SMARCA1: variants seen among roughly 807,000 people sequenced by gnomAD.
The protein encoded by SMARCA1 is SNF2 related chromatin remodeling ATPase 1.
In SMARCA1, 17 loss-of-function variants were observed where a neutral mutation model predicts 93.6. The ratio of observed to expected loss-of-function variants is 0.18; its 90% CI spans 0.12 to 0.27. The LOEUF is 0.27. SMARCA1 is among the 10% of genes least tolerant of loss of function. The probability of loss-of-function intolerance (pLI) is 1.00; values close to 1 mark genes in which losing one functional copy is unlikely to be tolerated. For synonymous variants in SMARCA1, 271 were observed against 271.4 expected (o/e 1.00, Z 0.01); for missense variants, 630 against 819.0 (o/e 0.77, Z 2.82).
In SMARCA1 at chrX:129,489,069, T is replaced by C; in HGVS notation, c.1965A>G (p.Gln655=). Reference sequence around the variant, plus strand: ...CCTCTTTTGCCAGCTTGTTAGACTGTTGGTCAATGAGTCTTCCTAATGATA... The same window carrying C: ...CCTCTTTTGCCAGCTTGTTAGACTGCTGGTCAATGAGTCTTCCTAATGATA... ...IVIQQGRLID[Q]QSNKLAKEEM... Residue 655 remains glutamine, a synonymous_variant, in exon 16 of 25, where the codon CAA becomes CAG. Coordinates refer to ENST00000371121, the MANE Select transcript of SMARCA1 (RefSeq NM_001282874.2). 1.7e-6 allele frequency: 2 copies of C among 1,181,423 alleles called. No individual in the cohort carries two copies. Among genetic ancestry groups the C allele is most frequent in the South Asian group, 1.8e-5 (1 of 55,413 alleles).
intron 19 of SMARCA1, among the ~76,000 whole-genome samples, chrX:129,478,919 T>C (rs950421997): frequency 9.0e-6 from 1 of 111,543 alleles, no homozygotes; most frequent in African/African-American, 3.3e-5. Flanking sequence ...GCGGAACGAA[T>C]AGAACATCTG....
intron 12 of SMARCA1, among the ~76,000 whole-genome samples, chrX:129,493,746 G>C (rs754481330): frequency 2.7e-5 from 3 of 112,096 alleles, no homozygotes. Context: ...GGAACTTTAA[G>C]TTGCCTAGCT....
intron 9 of SMARCA1, among the ~76,000 whole-genome samples, chrX:129,503,258 A>G (rs1218855151): frequency 8.9e-6 from 1 of 112,229 alleles, no homozygotes; most frequent in African/African-American, 3.2e-5. Context: ...TATGTTAGAG[A>G]ACATGGAATC....
At chrX:129,515,532 A>G (rs1935165564) in intron 5 of SMARCA1, among the ~76,000 whole-genome samples, 155 bp downstream of exon 5, 3 of 111,017 alleles carry the variant, frequency 2.7e-5, no homozygotes, top group African/African-American at 9.8e-5. Flanking sequence ...CTCTCAAAAA[A>G]ATAATAATAA....
At chrX:129,479,387 C>A (rs1333380016) in intron 19 of SMARCA1, among the ~76,000 whole-genome samples, 1 of 109,817 alleles carries the variant, frequency 9.1e-6, no homozygotes, top group Non-Finnish European at 1.9e-5. Flanking sequence ...TTACCTGTTT[C>A]TTCTGGTGTA....
chrX:129,458,641 CT>C (rs1226291082), intron 23 of SMARCA1, among the ~76,000 whole-genome samples: 1 of 111,927 alleles, frequency 8.9e-6, no homozygotes, highest in Non-Finnish European at 1.9e-5. Context: ...CTTGAAGTGA[CT>C]TATTGAAAGA....
At chrX:129,481,265 G>A (rs1717590019) in intron 17 of SMARCA1, 80 bp from the exon 18 acceptor site, 2 of 581,175 alleles carry the variant, frequency 3.4e-6, no homozygotes, top group Non-Finnish European at 2.8e-6. Context: ...CGAGGCTGCA[G>A]AAACATAAGG....
chrX:129,460,402 C>T (rs2049673729), intron 23 of SMARCA1, among the ~76,000 whole-genome samples: 1 of 110,466 alleles, frequency 9.1e-6, no homozygotes, highest in Non-Finnish European at 1.9e-5. Flanking sequence ...TATCCCAGCA[C>T]TTTGGGAGAC....
intron 23 of SMARCA1, among the ~76,000 whole-genome samples, chrX:129,448,781 T>C (rs1341363674): frequency 3.6e-5 from 4 of 111,074 alleles, no homozygotes; most frequent in African/African-American, 1.3e-4. Context: ...AAAGGTTACA[T>C]ACCATATTAT....
At chrX:129,496,685 T>C (rs1934342122) in intron 12 of SMARCA1, 65 bp downstream of exon 12, 3 of 1,055,589 alleles carry the variant, frequency 2.8e-6, no homozygotes, top group Non-Finnish European at 2.6e-6. Flanking sequence ...AACTACCTAA[T>C]GTTGATATAC....
At chrX:129,492,191 A>G (rs1453484413) in intron 13 of SMARCA1, 98 bp from the exon 14 acceptor site, 2 of 490,244 alleles carry the variant, frequency 4.1e-6, no homozygotes, top group South Asian at 3.9e-5. Context: ...TAAAATACAT[A>G]TAGAAAATCT....
intron 1 of SMARCA1, among the ~76,000 whole-genome samples, chrX:129,522,416 T>C (rs949017161): frequency 4.7e-5 from 5 of 106,812 alleles, no homozygotes; most frequent in Non-Finnish European, 9.6e-5. Flanking sequence ...TGAGGGACCA[T>C]TGGGGTGGCC....
At chrX:129,512,964 T>C (rs1935063312) in intron 5 of SMARCA1, among the ~76,000 whole-genome samples, 1 of 112,041 alleles carries the variant, frequency 8.9e-6, no homozygotes, top group South Asian at 3.7e-4. Flanking sequence ...AGGATTATTA[T>C]GCAATAATTA....
intron 1 of SMARCA1, among the ~76,000 whole-genome samples, chrX:129,519,356 C>A (rs904744052): frequency 1.8e-5 from 2 of 111,564 alleles, no homozygotes; most frequent in Non-Finnish European, 3.8e-5. Flanking sequence ...AAGATGAGAG[C>A]ATTTCAGTTT....
At chrX:129,511,012 C>T (rs1430838507) in intron 6 of SMARCA1, among the ~76,000 whole-genome samples, 2 of 111,285 alleles carry the variant, frequency 1.8e-5, no homozygotes, top group Non-Finnish European at 3.8e-5. Context: ...TTTAGATAAC[C>T]TATCTAAATA....
Position 129,516,308 on chromosome X carries a change from TAGAG to T in SMARCA1, c.428+19_428+22del. ...AAAAGGTAGGAGAAAGGAAAGAAAG[TAGAG>T]AGAGAGGTGCCAACATACTCTCCAG... On this transcript the variant is annotated intron_variant, in intron 3 of 24. Coordinates refer to ENST00000371121, the MANE Select transcript of SMARCA1 (RefSeq NM_001282874.2). 15 of 1,192,084 alleles carry T rather than the reference TAGAG, an allele frequency of 1.3e-5. No individual in the cohort carries two copies. The highest frequency in any genetic ancestry group is 1.7e-5 in the Non-Finnish European group (15 of 880,835).
rs371837661 is a variant in SMARCA1 at position 129,472,652 on chromosome X, A to G, written c.2443-1326T>C. ...TGTCTATTATGTTTGTAGAACTATG[A>G]TAAGTATTGATTGGAATATAAGCAT... is the stretch of plus-strand genomic sequence containing the variant. On this transcript the variant is annotated intron_variant, in intron 19 of 24. Transcript: ENST00000371121. 1.2e-3 allele frequency among the ~76,000 whole-genome samples: 132 copies of G among 112,015 alleles called. 3 individuals carry two copies. The highest frequency in any genetic ancestry group is 4.6e-3 in the Middle Eastern group (1 of 217).
chrX:129,513,719 T>A lies in SMARCA1; in HGVS notation c.631-1736A>T, dbSNP rs773204256. On this transcript the variant is annotated intron_variant, in intron 5 of 24. Coordinates refer to ENST00000371121, the MANE Select transcript of SMARCA1 (RefSeq NM_001282874.2). The stretch of plus-strand genomic sequence containing the variant: ...AATCCTGGTCCTTCCATTGTCCAAT[T>A]AACCAAGCTCCTCCCCCTCTGAGCT... 7.3e-5 allele frequency among the ~76,000 whole-genome samples: 8 copies of A among 109,105 alleles called. No homozygotes were observed. The South Asian group carries it at 3.1e-3, about 42-fold the overall frequency. 94.7% of individuals were successfully genotyped at this position (109,105 alleles called of 115,157 possible). A position where few individuals can be genotyped will look rare whatever the true frequency, so the allele number is the denominator to read the frequency against.
intron 5 of SMARCA1, among the ~76,000 whole-genome samples, chrX:129,512,243 A>G (rs990182126): frequency 1.8e-5 from 2 of 112,290 alleles, no homozygotes. Context: ...GCAACTTTCT[A>G]TTTAGAACAT....
Sources: allele counts gnomAD v4.1 joint callset (sites outside exome capture counted in the v4.1 genomes callset), GRCh38; gene constraint gnomAD v4.1.1; transcripts MANE v1.5; gene names NCBI Gene and HGNC (gene_info 2026-07-23, HGNC 2026-07-21).